SPTBN4: variants seen among roughly 807,000 people sequenced by gnomAD.
The protein encoded by SPTBN4 is spectrin beta, non-erythrocytic 4, also known as spectrin beta chain, non-erythrocytic 4.
In SPTBN4, 96 loss-of-function variants were observed where a neutral mutation model predicts 277.8. The ratio of observed to expected loss-of-function variants is 0.35; its 90% CI spans 0.29 to 0.41. The LOEUF is 0.41. Among genes scored for constraint, SPTBN4 ranks in the 10% least tolerant of loss-of-function variants. SPTBN4 has a pLI of 1.00. For missense variants in SPTBN4, 3,006 were observed against 3,595.7 expected (o/e 0.84, Z 4.19); for synonymous variants, 1,481 against 1,580.3 (o/e 0.94, Z 1.49).
chr19:40,567,552 A>C, intron 30 of SPTBN4, 111 bp from the exon 31 acceptor site: 2 of 1,113,444 alleles, frequency 1.8e-6, no homozygotes, highest in Non-Finnish European at 2.4e-6. Flanking sequence ...TTTTCAAGGA[A>C]CTGGTCAATT....
Position 40,502,621 on chromosome 19 carries a change from GAC to G in SPTBN4, c.1203+116_1203+117del. ...ACATGATGGATTAGATATTCATTCT[GAC>G]AGTTTTTCAGTAGTAAAGTGTCATA... On this transcript the variant is annotated intron_variant, in intron 10 of 35. Coordinates refer to ENST00000598249, the MANE Select transcript of SPTBN4 (RefSeq NM_020971.3). The surrounding 1 kb of genome is among the most constrained non-coding windows in gnomAD (Gnocchi z 4.9). 3 of 1,447,226 alleles carry G rather than the reference GAC, an allele frequency of 2.1e-6. No individual in the cohort carries two copies. Among genetic ancestry groups the G allele is most frequent in the South Asian group, 2.7e-5 (2 of 74,446 alleles). 89.6% of individuals were successfully genotyped at this position (1,447,226 alleles called of 1,614,324 possible). A position where few individuals can be genotyped will look rare whatever the true frequency, so the allele number is the denominator to read the frequency against.
At position 40,566,244 on chromosome 19, in the gene SPTBN4, G is replaced by A. The variant is rs753799604; in HGVS notation, c.6221G>A (p.Arg2074Gln). Residue 2074 changes from arginine to glutamine, a missense_variant, in exon 30 of 36, where the codon CGG becomes CAG. Arg to Gln is a conservative substitution (Grantham distance 43). Coordinates refer to ENST00000598249, the MANE Select transcript of SPTBN4 (RefSeq NM_020971.3). ...LTAQEPLLQS[R>Q]ELGSSVDEVE... Reference sequence around the variant, plus strand: ...GCCCAGGAGCCGCTCCTGCAGAGCCGGGAGCTGGGCAGCAGCGTGGATGAG... The same window carrying A: ...GCCCAGGAGCCGCTCCTGCAGAGCCAGGAGCTGGGCAGCAGCGTGGATGAG... 5.8e-6 allele frequency: 9 copies of A among 1,565,128 alleles called. No individual in the cohort carries two copies. The highest frequency in any genetic ancestry group is 2.7e-5 in the African/African-American group (2 of 73,848).
Position 40,487,842 on chromosome 19 carries a change from G to A in SPTBN4, c.315G>A (p.Glu105=). The change falls in exon 3 of 36, where the codon GAG becomes GAA. Residue 105 remains glutamate (E), a synonymous_variant. Coordinates refer to ENST00000598249, the MANE Select transcript of SPTBN4 (RefSeq NM_020971.3). ...LTRLLEVLSG[E]QLPRPTRGRM... ...GGCTCCTGGAAGTGCTGTCTGGGGA[G>A]CAGCTGGTGAGGGGGCCTGAAGGGC... The A allele has an allele frequency of 1.9e-6, 3 of 1,602,950 alleles. No homozygotes were observed. The highest frequency in any genetic ancestry group is 2.6e-6 in the Non-Finnish European group (3 of 1,174,950).
At chr19:40,551,154 T>C (rs1421286840) in intron 22 of SPTBN4, among the ~76,000 whole-genome samples, 2 of 152,046 alleles carry the variant, frequency 1.3e-5, no homozygotes, top group Non-Finnish European at 2.9e-5. Flanking sequence ...CAAAGGAAAA[T>C]CAGGGGCTTG....
intron 30 of SPTBN4, 64 bp from the exon 31 acceptor site, chr19:40,567,599 G>T (rs1216863108): frequency 5.2e-6 from 7 of 1,342,230 alleles, no homozygotes; most frequent in Non-Finnish European, 6.8e-6. Flanking sequence ...CGCCTCCCCG[G>T]ACCTCCCCCT....
At position 40,562,810 on chromosome 19, in the gene SPTBN4, G is replaced by A. The variant is rs960401853; in HGVS notation, c.5915+2407G>A. Among the ~76,000 whole-genome samples, 62 of 152,100 alleles carry A rather than the reference G, an allele frequency of 4.1e-4. No individual in the cohort carries two copies. In the South Asian group the frequency reaches 5.6e-3, roughly 14 times the overall value. On this transcript the variant is annotated intron_variant, in intron 27 of 35. Transcript: ENST00000598249. ...GATTGTGCCATTGCACTCCAGCCTG[G>A]GCAACAAGAGCGAAATTCCATCTCA... is the stretch of plus-strand genomic sequence containing the variant.
intron 35 of SPTBN4, among the ~76,000 whole-genome samples, chr19:40,574,440 C>T (rs2145966430): frequency 6.6e-6 from 1 of 151,706 alleles, no homozygotes; most frequent in Non-Finnish European, 1.5e-5. Context: ...CAGCTCACTG[C>T]AACCTCCACT....
At position 40,486,052 on chromosome 19, in the gene SPTBN4, G is replaced by A. The variant is rs547342183; in HGVS notation, c.170-1645G>A. Among the ~76,000 whole-genome samples, 62 of 151,574 alleles carry A rather than the reference G, an allele frequency of 4.1e-4. 1 individual carries two copies. Among genetic ancestry groups the A allele is most frequent in the Non-Finnish European group, 1.5e-4 (10 of 67,892 alleles). ...CACCTGTAATCCCAGCACTTTGGGAGGCCTATGTGGGTGGATTCCTTGAGC... is the reference window on the plus strand; with the variant it reads ...CACCTGTAATCCCAGCACTTTGGGAAGCCTATGTGGGTGGATTCCTTGAGC... On this transcript the variant is annotated intron_variant, in intron 2 of 35. Transcript: ENST00000598249.
chr19:40,565,278 AAAG>A (rs2081080335), intron 27 of SPTBN4, 142 bp from the exon 28 acceptor site: 5 of 1,110,472 alleles, frequency 4.5e-6, no homozygotes, highest in Admixed American at 2.4e-5. Context: ...AAAAAAAAGA[AAAG>A]AAAAGAAAAG....
At position 40,504,079 on chromosome 19, in the gene SPTBN4, C is replaced by A. The variant is rs1460092398; in HGVS notation, c.1612C>A (p.Gln538Lys). 1 of 1,576,684 alleles carries A rather than the reference C, an allele frequency of 6.3e-7. No homozygotes were observed. The highest frequency in any genetic ancestry group is 1.1e-5 in the South Asian group (1 of 90,668). The change falls in exon 12 of 36, where the codon CAG (glutamine) becomes AAG (lysine). Residue 538 changes from glutamine to lysine, a missense_variant. Around this residue, in one of 5 missense-constraint regions of SPTBN4, gnomAD observed 1,759 missense variants for 2,061.5 expected, o/e 0.85. Coordinates refer to ENST00000598249, the MANE Select transcript of SPTBN4 (RefSeq NM_020971.3). ...RTRLEQNLALQKVFQEMVYMV... is the reference protein window; with the variant it reads ...RTRLEQNLALKKVFQEMVYMV... The stretch of plus-strand genomic sequence containing the variant: ...ACGACTTGAGCAGAACCTTGCCCTG[C>A]AGAAGGTCTTCCAGGAGATGGTGTA...
intron 18 of SPTBN4, among the ~76,000 whole-genome samples, chr19:40,529,913 T>C (rs2080642843): frequency 6.6e-6 from 1 of 151,886 alleles, no homozygotes; most frequent in African/African-American, 2.4e-5. Context: ...CCCCTCAGCC[T>C]CAATTAAAGA....
Position 40,512,656 on chromosome 19 carries a change from C to A in SPTBN4, c.1867C>A (p.His623Asn). Residue 623 changes from histidine (H) to asparagine (N), a missense_variant, in exon 14 of 36, where the codon CAC (histidine) becomes AAC (asparagine). His to Asn is a moderately conservative substitution (Grantham distance 68, BLOSUM62 1). Around this residue, in one of 5 missense-constraint regions of SPTBN4, gnomAD observed 1,759 missense variants for 2,061.5 expected, o/e 0.85. Transcript: ENST00000598249. Reference sequence around the variant, plus strand: ...CATCTGCAACCGCGTGAACCACGTGCACGGCTGCCTGGCGGAGCTGCAGGA... The same window carrying A: ...CATCTGCAACCGCGTGAACCACGTGAACGGCTGCCTGGCGGAGCTGCAGGA... Reference protein sequence around the residue: ...QVICNRVNHVHGCLAELQEQA... With the variant: ...QVICNRVNHVNGCLAELQEQA... 1 of 1,540,886 alleles carries A rather than the reference C, an allele frequency of 6.5e-7. No homozygotes were observed. Among genetic ancestry groups the A allele is most frequent in the Admixed American group, 1.9e-5 (1 of 52,374 alleles).
chr19:40,488,874 G>T (rs928346610), intron 3 of SPTBN4, among the ~76,000 whole-genome samples: 1 of 151,744 alleles, frequency 6.6e-6, no homozygotes, highest in African/African-American at 2.4e-5. Context: ...TGTTGCCCAG[G>T]CTGATCTAGA....
Position 40,490,152 on chromosome 19 carries a change from G to A in SPTBN4, c.399G>A (p.Gln133=). The change falls in exon 4 of 36, where the codon CAG becomes CAA. Residue 133 remains glutamine (Q), a synonymous_variant. Coordinates refer to ENST00000598249, the MANE Select transcript of SPTBN4 (RefSeq NM_020971.3). The surrounding 1 kb of genome is among the most constrained non-coding windows in gnomAD (Gnocchi z 4.3). ...AGGCGCTGCAGTTTCTGAAGGAGCA[G>A]CGCGTGCACCTGGAGAACGTGGGTT... The part of the protein sequence containing the change: ...VDKALQFLKE[Q]RVHLENVGSH... The A allele has an allele frequency of 6.2e-7, 1 of 1,614,236 alleles. No individual in the cohort carries two copies. Among genetic ancestry groups the A allele is most frequent in the Non-Finnish European group, 8.5e-7 (1 of 1,180,044 alleles).
intron 20 of SPTBN4, among the ~76,000 whole-genome samples, chr19:40,536,735 C>T (rs1157603918): frequency 1.3e-5 from 2 of 152,122 alleles, no homozygotes; most frequent in Non-Finnish European, 2.9e-5. Context: ...ATTGCTTGAG[C>T]CTAGGAGTTT....
Position 40,568,132 on chromosome 19 carries a change from G to C in SPTBN4, c.6806G>C (p.Arg2269Pro), listed in dbSNP as rs200652727. The change falls in exon 31 of 36, where the codon CGG becomes CCG. Residue 2269 changes from arginine (R) to proline (P), a missense_variant. Arg to Pro is a moderately radical substitution (Grantham distance 103). This residue lies in a region of SPTBN4 where 630 missense variants were observed against 677.6 expected (regional missense o/e 0.93). Transcript: ENST00000598249. ...GCTGCGCGGAGGCGGCGGCCGGAGC[G>C]GCAGGAGTCAGCGGAGCACGAGGCG... The part of the protein sequence containing the change: ...EEAARRRRPE[R>P]QESAEHEAAH... 18 of 1,576,610 alleles carry C rather than the reference G, an allele frequency of 1.1e-5. No individual in the cohort carries two copies. The highest frequency in any genetic ancestry group is 2.3e-5 in the East Asian group (1 of 43,032).
At chr19:40,536,188 T>C (rs949050675) in intron 20 of SPTBN4, among the ~76,000 whole-genome samples, 14 of 151,452 alleles carry the variant, frequency 9.2e-5, no homozygotes, top group African/African-American at 3.4e-4. Flanking sequence ...CCTTCCCCTC[T>C]CTTTTCTTTT....
intron 7 of SPTBN4, among the ~76,000 whole-genome samples, chr19:40,498,433 T>C (rs1311119452): frequency 2.7e-5 from 4 of 150,570 alleles, no homozygotes; most frequent in African/African-American, 9.8e-5. Flanking sequence ...TTAGATGGAG[T>C]CTCACTCTGT....
intron 1 of SPTBN4, among the ~76,000 whole-genome samples, chr19:40,472,352 A>G (rs1220345916): frequency 6.7e-6 from 1 of 149,642 alleles, no homozygotes; most frequent in East Asian, 2.0e-4. Flanking sequence ...GCTTATTTTT[A>G]TTTTTATAGA....
Sources: allele counts gnomAD v4.1 joint callset (sites outside exome capture counted in the v4.1 genomes callset), GRCh38; gene constraint gnomAD v4.1.1; regional missense constraint gnomAD v4.1.1; non-coding constraint Gnocchi (gnomAD v3.1); transcripts MANE v1.5; gene names NCBI Gene and HGNC (gene_info 2026-07-23, HGNC 2026-07-21).